ASS1: variants seen among roughly 807,000 people sequenced by gnomAD.
ASS1 encodes the protein argininosuccinate synthase.
In ASS1, 58 loss-of-function variants were observed where a neutral mutation model predicts 60.5. That is an observed-to-expected ratio of 0.96 (90% CI 0.78 to 1.19). ASS1 has a LOEUF of 1.19. ASS1 is among the 50% of genes most tolerant of loss of function. ASS1 has a pLI of 0.00. For synonymous variants in ASS1, 200 were observed against 206.9 expected, an observed-to-expected ratio of 0.97 and a Z score of 0.29; for missense variants, 454 against 547.3, an observed-to-expected ratio of 0.83 and a Z score of 1.70.
At chr9:130,465,000 T>A (rs1845692761) in intron 5 of ASS1, among the ~76,000 whole-genome samples, 1 of 147,974 alleles carries the variant, frequency 6.8e-6, no homozygotes, top group South Asian at 2.1e-4. Flanking sequence ...TAAATATTTT[T>A]ATATAATATG....
At position 130,489,481 on chromosome 9, in the gene ASS1, GGCT is replaced by G. The variant is rs763386082; in HGVS notation, c.970+20_970+22del. On this transcript the variant is annotated intron_variant, in intron 12 of 14. Transcript: ENST00000352480. The surrounding 1 kb of genome is among the most constrained non-coding windows in gnomAD (Gnocchi z 4.1). ...TGTATACCGGTGCGTAAGACTCTAT[GGCT>G]GCCCCCTCTAACCGCCTCACAAGGG... 6.2e-7 allele frequency: 1 copy of G among 1,614,000 alleles called. No homozygotes were observed. The highest frequency in any genetic ancestry group is 1.1e-5 in the South Asian group (1 of 91,066).
intron 1 of ASS1, among the ~76,000 whole-genome samples, chr9:130,448,362 T>C (rs747033336): frequency 9.9e-5 from 15 of 151,766 alleles, no homozygotes; most frequent in Non-Finnish European, 2.1e-4. Flanking sequence ...CACACATGCA[T>C]GCACACACAT....
rs780509094 is a variant in ASS1, at chr9:130,458,486, A to T, written c.260A>T (p.Tyr87Phe). Residue 87 changes from tyrosine (Y) to phenylalanine (F), a missense_variant, in exon 4 of 15, where the codon TAC becomes TTC. Transcript: ENST00000352480. The stretch of plus-strand genomic sequence containing the variant: ...TCCAGCGCACTGTATGAGGACCGCT[A>T]CCTCCTGGGCACCTCTCTTGCCAGG... Reference protein sequence around the residue: ...IQSSALYEDRYLLGTSLARPC... With the variant: ...IQSSALYEDRFLLGTSLARPC... 5.0e-6 allele frequency: 8 copies of T among 1,612,534 alleles called. No individual in the cohort carries two copies. The highest frequency in any genetic ancestry group is 5.9e-6 in the Non-Finnish European group (7 of 1,179,852).
chr9:130,495,152 G>A, intron 13 of ASS1, 129 bp downstream of exon 13: 5 of 1,295,484 alleles, frequency 3.9e-6, no homozygotes, highest in South Asian at 1.3e-5. Context: ...GGTCACAGAG[G>A]ATATAGACAC....
chr9:130,475,674 C>G (rs1349331503), intron 8 of ASS1, among the ~76,000 whole-genome samples: 1 of 150,746 alleles, frequency 6.6e-6, no homozygotes, highest in Admixed American at 6.7e-5. Flanking sequence ...GCTTGACCTT[C>G]TTACCAAATG....
At chr9:130,463,449 G>A (rs1455907891) in intron 4 of ASS1, among the ~76,000 whole-genome samples, 2 of 152,214 alleles carry the variant, frequency 1.3e-5, no homozygotes, top group African/African-American at 4.8e-5. Flanking sequence ...CAACCTGCCC[G>A]AGGGGGTGGC....
At chr9:130,456,739 C>T (rs1212595610) in intron 3 of ASS1, among the ~76,000 whole-genome samples, 1 of 151,994 alleles carries the variant, frequency 6.6e-6, no homozygotes, top group Non-Finnish European at 1.5e-5. Context: ...CTCTTGAGGT[C>T]AGGAGTTTGA....
At chr9:130,451,306 TG>T (rs11337242) in intron 1 of ASS1, among the ~76,000 whole-genome samples, 66,882 of 151,826 alleles carry the variant, frequency 0.44, 15,400 homozygotes, top group East Asian at 0.86. Context: ...AGGGCCTGGC[TG>T]CAGAGAGCCC....
At chr9:130,479,275 A>G (rs911110949) in intron 9 of ASS1, among the ~76,000 whole-genome samples, 1 of 151,648 alleles carries the variant, frequency 6.6e-6, no homozygotes, top group Non-Finnish European at 1.5e-5. Context: ...CAGACGTGGC[A>G]GGGGGCTGTG....
chr9:130,464,161 GATAA>G lies in ASS1; in HGVS notation c.416_419del (p.Ile139ArgfsTer21). 3.1e-6 allele frequency: 5 copies of G among 1,614,196 alleles called. No individual in the cohort carries two copies. The highest frequency in any genetic ancestry group is 4.2e-6 in the Non-Finnish European group (5 of 1,180,008). ...TCAGCTGCTACTCACTGGCCCCCCA[GATAA>G]AGGTAGGATGTGGCTCCTCCCCTTA... On this transcript the variant is annotated frameshift_variant and splice_region_variant, in exon 5 of 15. Transcript: ENST00000352480. LOFTEE classifies it high-confidence loss of function.
chr9:130,448,356 C>T (rs570985585), intron 1 of ASS1, among the ~76,000 whole-genome samples: 1 of 152,244 alleles, frequency 6.6e-6, no homozygotes, highest in African/African-American at 2.4e-5. Context: ...ACATCACACA[C>T]ATGCATGCAC....
chr9:130,479,148 C>T (rs1039955838), intron 9 of ASS1, among the ~76,000 whole-genome samples: 5 of 151,874 alleles, frequency 3.3e-5, no homozygotes, highest in Non-Finnish European at 7.4e-5. Context: ...CCCAGCTCCT[C>T]GGATTCAGGG....
rs183370361 is a variant in ASS1, at chr9:130,458,520, C to T, written c.294C>T (p.Ile98=). 2.2e-5 allele frequency: 36 copies of T among 1,613,182 alleles called. No individual in the cohort carries two copies. Among genetic ancestry groups the T allele is most frequent in the East Asian group, 1.3e-4 (6 of 44,866 alleles). The change falls in exon 4 of 15, where the codon ATC becomes ATT. Residue 98 remains isoleucine (I), a synonymous_variant. Coordinates refer to ENST00000352480, the MANE Select transcript of ASS1 (RefSeq NM_054012.4). Reference sequence around the variant, plus strand: ...GCACCTCTCTTGCCAGGCCCTGCATCGCCCGCAAACAAGTGGAAATCGCCC... The same window carrying T: ...GCACCTCTCTTGCCAGGCCCTGCATTGCCCGCAAACAAGTGGAAATCGCCC... The part of the protein sequence containing the change: ...LLGTSLARPC[I]ARKQVEIAQR...
chr9:130,471,094 G>A (rs1208706611), intron 7 of ASS1, among the ~76,000 whole-genome samples, 190 bp downstream of exon 7: 1 of 152,216 alleles, frequency 6.6e-6, no homozygotes, highest in Non-Finnish European at 1.5e-5. Context: ...TCTGCTGAGT[G>A]TTGTTGGGGA....
At chr9:130,448,897 G>A (rs1025506952) in intron 1 of ASS1, among the ~76,000 whole-genome samples, 2 of 152,198 alleles carry the variant, frequency 1.3e-5, no homozygotes, top group African/African-American at 4.8e-5. Context: ...CAGCTTCAGG[G>A]CACCCCAGCC....
chr9:130,480,326 G>A, intron 10 of ASS1, 59 bp from the exon 11 acceptor site: 1 of 1,599,436 alleles, frequency 6.3e-7, no homozygotes, highest in Non-Finnish European at 8.6e-7. Flanking sequence ...GCCCAGCTGG[G>A]TGGGTGACTC....
rs889420478 is a variant in ASS1 at position 130,478,205 on chromosome 9, C to A, written c.688+1244C>A. On this transcript the variant is annotated intron_variant, in intron 9 of 14. Coordinates refer to ENST00000352480, the MANE Select transcript of ASS1 (RefSeq NM_054012.4). The surrounding 1 kb of genome is among the most constrained non-coding windows in gnomAD (Gnocchi z 4.7). ...GCTCCCCTTCATCTGTCCCAACCTA[C>A]TGGGGGGCCAAAGAGGACCCCAAAG... is the stretch of plus-strand genomic sequence containing the variant. Among the ~76,000 whole-genome samples the A allele has an allele frequency of 6.6e-6, 1 of 152,242 alleles. No homozygotes were observed. Among genetic ancestry groups the A allele is most frequent in the Non-Finnish European group, 1.5e-5 (1 of 68,034 alleles).
chr9:130,463,454 G>T (rs944578039), intron 4 of ASS1, among the ~76,000 whole-genome samples: 5 of 152,220 alleles, frequency 3.3e-5, no homozygotes, highest in Admixed American at 1.3e-4. Flanking sequence ...TGCCCGAGGG[G>T]GTGGCTGTGG....
chr9:130,466,537 C>A, intron 5 of ASS1, 188 bp from the exon 6 acceptor site: 1 of 647,358 alleles, frequency 1.5e-6, no homozygotes, highest in East Asian at 2.7e-5. Flanking sequence ...CAGCCAGCCC[C>A]GGTGAGGGAG....
Sources: gnomAD v4.1 joint callset for allele counts (sites outside exome capture counted in the v4.1 genomes callset) on GRCh38, gnomAD v4.1.1 for gene constraint, Gnocchi (gnomAD v3.1) non-coding constraint, MANE v1.5 for transcripts, NCBI Gene and HGNC (gene_info 2026-07-23, HGNC 2026-07-21) for gene names.